Variants in CCDC178 observed in about 807,000 individuals in gnomAD.
The protein encoded by CCDC178 is coiled-coil domain containing 178.
Under a neutral mutation model 117.4 loss-of-function variants are expected in CCDC178, and 126 were observed. The observed-to-expected ratio is 1.07, with a 90% CI of 0.93 to 1.24. The LOEUF is 1.24. Among genes scored for constraint, CCDC178 ranks in the 50% most tolerant of loss-of-function variants. CCDC178 has a pLI of 0.00. For missense variants in CCDC178, 1,030 were observed against 986.9 expected, an observed-to-expected ratio of 1.04 and a Z score of -0.59; for synonymous variants, 283 against 313.4, an observed-to-expected ratio of 0.90 and a Z score of 1.02.
intron 20 of CCDC178, among the ~76,000 whole-genome samples, chr18:33,120,427 A>G (rs939731854): frequency 6.6e-6 from 1 of 152,176 alleles, no homozygotes; most frequent in Non-Finnish European, 1.5e-5. Context: ...TCCTGTAGGC[A>G]TCTCTTATTA....
At chr18:33,041,992 C>T (rs969548492) in intron 21 of CCDC178, among the ~76,000 whole-genome samples, 1 of 151,692 alleles carries the variant, frequency 6.6e-6, no homozygotes, top group African/African-American at 2.4e-5. Flanking sequence ...AAGAAGAATG[C>T]CAGCTTATAA....
At chr18:33,081,612 G>T (rs2057299412) in intron 21 of CCDC178, among the ~76,000 whole-genome samples, 1 of 152,066 alleles carries the variant, frequency 6.6e-6, no homozygotes, top group Non-Finnish European at 1.5e-5. Flanking sequence ...CAGTAGCTTT[G>T]TTTTATATAC....
intron 12 of CCDC178, among the ~76,000 whole-genome samples, chr18:33,285,181 T>C (rs2060083546): frequency 1.3e-5 from 2 of 151,778 alleles, no homozygotes; most frequent in African/African-American, 4.8e-5. Context: ...ACAGCAAAAA[T>C]GGAAGCAAGC....
At chr18:33,310,330 C>T (rs1353668572) in intron 11 of CCDC178, among the ~76,000 whole-genome samples, 1 of 151,444 alleles carries the variant, frequency 6.6e-6, no homozygotes, top group Non-Finnish European at 1.5e-5. Context: ...CTGTGTATGT[C>T]ATGATAAAGT....
At chr18:33,021,134 C>A (rs533693812) in intron 21 of CCDC178, among the ~76,000 whole-genome samples, 2 of 152,110 alleles carry the variant, frequency 1.3e-5, no homozygotes, top group Non-Finnish European at 2.9e-5. Context: ...TTAATTGAAG[C>A]GACATGATAA....
intron 21 of CCDC178, among the ~76,000 whole-genome samples, chr18:33,047,162 A>G (rs2056659654): frequency 6.6e-6 from 1 of 152,232 alleles, no homozygotes; most frequent in Non-Finnish European, 1.5e-5. Context: ...AAGATGTCAC[A>G]ACTTACCCTA....
intron 15 of CCDC178, among the ~76,000 whole-genome samples, chr18:33,243,534 T>G (rs1401407305): frequency 6.6e-6 from 1 of 151,502 alleles, no homozygotes; most frequent in African/African-American, 2.4e-5. Context: ...TATATGTCAA[T>G]TTAAAAAATA....
chr18:33,082,564 T>C (rs1301206518), intron 21 of CCDC178, among the ~76,000 whole-genome samples: 4 of 152,142 alleles, frequency 2.6e-5, no homozygotes, highest in Non-Finnish European at 5.9e-5. Flanking sequence ...TTAGTATAAT[T>C]GAAATGATTG....
intron 20 of CCDC178, among the ~76,000 whole-genome samples, chr18:33,149,534 A>G (rs1160380613): frequency 6.6e-6 from 1 of 152,196 alleles, no homozygotes; most frequent in African/African-American, 2.4e-5. Context: ...TACCAACACT[A>G]TCAGAGATAC....
intron 10 of CCDC178, among the ~76,000 whole-genome samples, chr18:33,328,967 CA>C (rs1360250574): frequency 6.6e-6 from 1 of 152,056 alleles, no homozygotes; most frequent in Admixed American, 6.5e-5. Flanking sequence ...AATTCTTATT[CA>C]ATTTATTTCA....
chr18:33,193,264 C>A (rs1472788274), intron 20 of CCDC178, among the ~76,000 whole-genome samples: 368 of 77,108 alleles, frequency 4.8e-3, no homozygotes, highest in African/African-American at 6.4e-3. Context: ...CTCCGTCTCA[C>A]AAAAAAAAAA....
intron 8 of CCDC178, among the ~76,000 whole-genome samples, chr18:33,348,540 A>G (rs1218445308): frequency 6.6e-6 from 1 of 151,922 alleles, no homozygotes; most frequent in East Asian, 1.9e-4. Context: ...CAAAGGTTCA[A>G]CAGCTGTACG....
At chr18:33,370,018 C>A in intron 6 of CCDC178, 32 bp downstream of exon 6, 1 of 1,509,056 alleles carries the variant, frequency 6.6e-7, no homozygotes, top group Non-Finnish European at 8.9e-7. Context: ...TAAAGCTTAC[C>A]AAAATATCAG....
At chr18:33,370,266 A>T (rs2063279478) in intron 5 of CCDC178, 77 bp from the exon 6 acceptor site, 1 of 1,052,632 alleles carries the variant, frequency 9.5e-7, no homozygotes, top group Non-Finnish European at 1.3e-6. Flanking sequence ...AAGCAAAAAA[A>T]TTCTGCTTTA....
At chr18:33,341,464 A>G (rs2062816132) in intron 9 of CCDC178, among the ~76,000 whole-genome samples, 1 of 152,140 alleles carries the variant, frequency 6.6e-6, no homozygotes, top group South Asian at 2.1e-4. Flanking sequence ...TGAGGGCATG[A>G]AATTTGGAGG....
At chr18:32,983,784 T>A (rs1489078780) in intron 21 of CCDC178, among the ~76,000 whole-genome samples, 1 of 151,968 alleles carries the variant, frequency 6.6e-6, no homozygotes, top group Non-Finnish European at 1.5e-5. Flanking sequence ...AACTGATAAG[T>A]GAAGGTATGT....
intron 21 of CCDC178, among the ~76,000 whole-genome samples, chr18:33,092,428 C>A (rs988103272): frequency 6.6e-6 from 1 of 151,890 alleles, no homozygotes; most frequent in African/African-American, 2.4e-5. Flanking sequence ...AGAGGCCTGC[C>A]ATGGGAAATC....
chr18:33,090,528 G>T (rs1352131225), intron 21 of CCDC178, among the ~76,000 whole-genome samples: 2 of 152,092 alleles, frequency 1.3e-5, no homozygotes, highest in Non-Finnish European at 2.9e-5. Flanking sequence ...TCAAGGAAAT[G>T]GACTAAAATA....
Position 33,092,512 on chromosome 18 carries a change from C to A in CCDC178, c.2388+249G>T, listed in dbSNP as rs558847491. On this transcript the variant is annotated intron_variant, in intron 21 of 22. Transcript: ENST00000383096. ...CTACAGATAAAAAATTGGCATTTCT[C>A]ATCATATTAATCAAAATCAAATTAC... Among the ~76,000 whole-genome samples, 31 of 151,992 alleles carry A rather than the reference C, an allele frequency of 2.0e-4. No homozygotes were observed. The South Asian group carries it at 5.4e-3, about 26-fold the overall frequency.
Sources: gnomAD v4.1 joint callset for allele counts (sites outside exome capture counted in the v4.1 genomes callset) on GRCh38, gnomAD v4.1.1 for gene constraint, MANE v1.5 for transcripts, NCBI Gene and HGNC (gene_info 2026-07-23, HGNC 2026-07-21) for gene names.